The following GALNTL6 variants were observed in gnomAD, a reference collection of about 807,000 sequenced individuals.
The protein encoded by GALNTL6 is polypeptide N-acetylgalactosaminyltransferase like 6.
A neutral mutation model predicts 73.7 loss-of-function variants in GALNTL6; 46 were observed. The ratio of observed to expected loss-of-function variants is 0.62; its 90% CI spans 0.49 to 0.80. The LOEUF (loss-of-function observed/expected upper bound fraction) is 0.80, where lower values mean the gene tolerates loss of function less well. Ranked by LOEUF, GALNTL6 falls within the 30% of genes least tolerant of loss-of-function variation. The pLI is 0.00. For synonymous variants in GALNTL6, 259 were observed against 263.7 expected, an observed-to-expected ratio of 0.98 and a Z score of 0.17; for missense variants, 604 against 755.0, an observed-to-expected ratio of 0.80 and a Z score of 2.34.
chr4:171,962,544 C>T (rs751712988), intron 2 of GALNTL6, among the ~76,000 whole-genome samples: 9 of 152,064 alleles, frequency 5.9e-5, no homozygotes, highest in Non-Finnish European at 1.3e-4. Flanking sequence ...GTCACGGCAA[C>T]ATTAGGAAGT....
intron 2 of GALNTL6, among the ~76,000 whole-genome samples, chr4:172,109,259 A>ATT (rs11435570): frequency 1.3e-4 from 19 of 151,880 alleles, no homozygotes; most frequent in African/African-American, 4.3e-4. Context: ...GACCATTATA[A>ATT]TTTTTTTTCT....
At chr4:172,816,231 C>T (rs557817672) in intron 7 of GALNTL6, among the ~76,000 whole-genome samples, 58 of 152,154 alleles carry the variant, frequency 3.8e-4, no homozygotes, top group Non-Finnish European at 7.1e-4. Context: ...ATCTCAAACC[C>T]CAGTATTTTT....
At chr4:172,453,262 T>C (rs985282900) in intron 5 of GALNTL6, among the ~76,000 whole-genome samples, 2 of 151,834 alleles carry the variant, frequency 1.3e-5, no homozygotes, top group Non-Finnish European at 2.9e-5. Flanking sequence ...CACTACATCC[T>C]ATGAATGCTA....
At chr4:172,365,249 G>A (rs986111433) in intron 5 of GALNTL6, among the ~76,000 whole-genome samples, 2 of 152,044 alleles carry the variant, frequency 1.3e-5, no homozygotes, top group African/African-American at 2.4e-5. Context: ...GGTCAGAGGG[G>A]AGGTAATCTT....
At chr4:172,869,191 G>A (rs1038622416) in intron 7 of GALNTL6, among the ~76,000 whole-genome samples, 14 of 152,138 alleles carry the variant, frequency 9.2e-5, no homozygotes, top group African/African-American at 3.4e-4. Context: ...GAATTCTACT[G>A]CAAATAATTT....
At chr4:171,903,362 T>G (rs900676727) in intron 2 of GALNTL6, among the ~76,000 whole-genome samples, 5 of 152,078 alleles carry the variant, frequency 3.3e-5, no homozygotes, top group Admixed American at 6.5e-5. Flanking sequence ...TTCCTTTTCC[T>G]AGTCAAAGAA....
chr4:172,632,621 A>C (rs1739446761), intron 5 of GALNTL6, among the ~76,000 whole-genome samples: 1 of 152,226 alleles, frequency 6.6e-6, no homozygotes, highest in Non-Finnish European at 1.5e-5. Flanking sequence ...AAAAAAAAGA[A>C]AAATCCATTT....
chr4:171,992,817 CT>C (rs1345194320), intron 2 of GALNTL6, among the ~76,000 whole-genome samples: 3 of 151,980 alleles, frequency 2.0e-5, no homozygotes, highest in Non-Finnish European at 4.4e-5. Context: ...ATGACCTTTC[CT>C]AACAGAGCAT....
chr4:172,023,673 A>G, intron 2 of GALNTL6, among the ~76,000 whole-genome samples: 1 of 151,930 alleles, frequency 6.6e-6, no homozygotes, highest in East Asian at 1.9e-4. Context: ...GTAGAACCAT[A>G]CTAATACATG....
At chr4:172,200,704 T>A (rs1403298358) in intron 2 of GALNTL6, among the ~76,000 whole-genome samples, 2 of 152,260 alleles carry the variant, frequency 1.3e-5, no homozygotes, top group African/African-American at 4.8e-5. Flanking sequence ...ATCTACCTTA[T>A]TTATGTTTTT....
At chr4:172,504,634 A>G (rs866084664) in intron 5 of GALNTL6, among the ~76,000 whole-genome samples, 564 of 52,850 alleles carry the variant, frequency 0.011, 212 homozygotes, top group African/African-American at 0.024. Context: ...AAAAAAAAAA[A>G]AAGAAGTAAT....
chr4:172,187,733 A>G (rs1735456007), intron 2 of GALNTL6, among the ~76,000 whole-genome samples: 1 of 152,134 alleles, frequency 6.6e-6, no homozygotes, highest in African/African-American at 2.4e-5. Flanking sequence ...AATTATGGTT[A>G]TGTGGCCTTA....
chr4:171,985,328 C>T lies in GALNTL6; in HGVS notation c.138+170610C>T, dbSNP rs145021299. ...TGAGAGCCAAGTGAAAGGGAAAACC[C>T]CTTATAAAGCCAACCGATCTCATGA... On this transcript the variant is annotated intron_variant, in intron 2 of 12. Coordinates refer to ENST00000506823, the MANE Select transcript of GALNTL6 (RefSeq NM_001034845.3). Among the ~76,000 whole-genome samples, 5 of 152,276 alleles carry T rather than the reference C, an allele frequency of 3.3e-5. No individual in the cohort carries two copies. In the East Asian group the frequency reaches 9.7e-4, roughly 29 times the overall value.
chr4:172,840,821 G>A (rs1743166927), intron 7 of GALNTL6, among the ~76,000 whole-genome samples: 1 of 152,208 alleles, frequency 6.6e-6, no homozygotes, highest in South Asian at 2.1e-4. Flanking sequence ...CTGCTGGGAG[G>A]CTGGAAGTGG....
intron 5 of GALNTL6, among the ~76,000 whole-genome samples, chr4:172,774,219 T>A (rs1579463832): frequency 6.6e-6 from 1 of 152,162 alleles, no homozygotes. Flanking sequence ...GCATAACATA[T>A]GAATGAGGTG....
At position 173,039,963 on chromosome 4, in the gene GALNTL6, A is replaced by G. The variant is rs1753838621; in HGVS notation, c.1669A>G (p.Ser557Gly). Reference sequence around the variant, plus strand: ...AACATTATTCCATCCTGTGAGCAACAGCTGCATGGATTGCAACCCCGCAGA... The same window carrying G: ...AACATTATTCCATCCTGTGAGCAACGGCTGCATGGATTGCAACCCCGCAGA... ...DRTLFHPVSN[S>G]CMDCNPAEKK... Residue 557 changes from serine (S) to glycine (G), a missense_variant, in exon 13 of 13, where the codon AGC becomes GGC. This residue lies in a region of GALNTL6 where 261 missense variants were observed against 296.5 expected (regional missense o/e 0.88). Coordinates refer to ENST00000506823, the MANE Select transcript of GALNTL6 (RefSeq NM_001034845.3). 6.2e-7 allele frequency: 1 copy of G among 1,613,868 alleles called. No individual in the cohort carries two copies. The highest frequency in any genetic ancestry group is 1.3e-5 in the African/African-American group (1 of 74,928).
intron 2 of GALNTL6, among the ~76,000 whole-genome samples, chr4:172,093,455 C>A (rs189691800): frequency 6.6e-6 from 1 of 152,080 alleles, no homozygotes; most frequent in Non-Finnish European, 1.5e-5. Flanking sequence ...ACTCTGTATA[C>A]AGAACTGTTT....
chr4:172,414,079 G>A (rs1744537422), intron 5 of GALNTL6, among the ~76,000 whole-genome samples: 1 of 151,938 alleles, frequency 6.6e-6, no homozygotes, highest in South Asian at 2.1e-4. Context: ...TATTCCATTT[G>A]TTTCCTCACA....
intron 5 of GALNTL6, among the ~76,000 whole-genome samples, chr4:172,481,129 TC>T (rs1043454629): frequency 6.6e-6 from 1 of 152,146 alleles, no homozygotes; most frequent in Non-Finnish European, 1.5e-5. Context: ...GTTCGGAGTT[TC>T]TTCCTTCTGG....
Sources: allele counts gnomAD v4.1 joint callset (sites outside exome capture counted in the v4.1 genomes callset), GRCh38; gene constraint gnomAD v4.1.1; regional missense constraint gnomAD v4.1.1; transcripts MANE v1.5; gene names NCBI Gene and HGNC (gene_info 2026-07-23, HGNC 2026-07-21).